TYW1: variants seen among roughly 807,000 people sequenced by gnomAD.
TYW1 encodes S-adenosyl-L-methionine-dependent tRNA 4-demethylwyosine synthase TYW1.
In TYW1, 46 loss-of-function variants were observed where a neutral mutation model predicts 96.2. The ratio of observed to expected loss-of-function variants is 0.48; its 90% confidence interval spans 0.38 to 0.61. TYW1 has a LOEUF of 0.61. Ranked by LOEUF, TYW1 falls within the 20% of genes least tolerant of loss-of-function variation. The pLI is 0.00. For missense variants in TYW1, 684 were observed against 909.6 expected, an observed-to-expected ratio of 0.75 and a Z score of 3.19; for synonymous variants, 274 against 323.0, an observed-to-expected ratio of 0.85 and a Z score of 1.63.
intron 14 of TYW1, among the ~76,000 whole-genome samples, chr7:67,191,780 A>T (rs1303167696): frequency 5.3e-5 from 8 of 151,528 alleles, no homozygotes; most frequent in Non-Finnish European, 1.2e-4. Flanking sequence ...GTCACCAAGA[A>T]CATTTTCTGC....
At position 67,049,940 on chromosome 7, in the gene TYW1, T is replaced by G; in HGVS notation, c.985-9T>G. ...ATTCTGGATTTCATTCTTTTTTATTTTAATGCAGAGAGAAAAGGAACAGCA... is the reference window on the plus strand; with the variant it reads ...ATTCTGGATTTCATTCTTTTTTATTGTAATGCAGAGAGAAAAGGAACAGCA... On this transcript the variant is annotated splice_polypyrimidine_tract_variant and intron_variant, in intron 7 of 15. Transcript: ENST00000359626. The G allele has an allele frequency of 6.2e-7, 1 of 1,613,638 alleles. No homozygotes were observed. Among genetic ancestry groups the G allele is most frequent in the Non-Finnish European group, 8.5e-7 (1 of 1,179,848 alleles).
At chr7:67,205,168 A>G (rs1164767524) in intron 15 of TYW1, among the ~76,000 whole-genome samples, 1 of 152,120 alleles carries the variant, frequency 6.6e-6, no homozygotes, top group African/African-American at 2.4e-5. Flanking sequence ...TGGGGATGGC[A>G]TGAGAGGGTG....
intron 13 of TYW1, among the ~76,000 whole-genome samples, chr7:67,161,328 C>T (rs2116219680): frequency 6.6e-6 from 1 of 152,274 alleles, no homozygotes; most frequent in Admixed American, 6.5e-5. Context: ...GGAAAAGTTG[C>T]CATCTTTATG....
intron 5 of TYW1, among the ~76,000 whole-genome samples, chr7:67,017,192 A>G (rs1794055496): frequency 2.6e-5 from 4 of 152,086 alleles, no homozygotes; most frequent in African/African-American, 7.2e-5. Context: ...CGTGTTGGCC[A>G]GGCTGGTCTT....
At chr7:67,235,906 A>AAAAG (rs1554398567) in intron 15 of TYW1, among the ~76,000 whole-genome samples, 2 of 134,470 alleles carry the variant, frequency 1.5e-5, no homozygotes, top group South Asian at 2.5e-4. Flanking sequence ...AAAAAAAAAA[A>AAAAG]AAAAGAAAAA....
intron 7 of TYW1, among the ~76,000 whole-genome samples, chr7:67,030,752 C>T (rs950835149): frequency 9.9e-5 from 15 of 152,094 alleles, no homozygotes; most frequent in Admixed American, 2.6e-4. Context: ...AGCCCTGGGA[C>T]ATCTTACTGA....
intron 7 of TYW1, among the ~76,000 whole-genome samples, chr7:67,027,123 C>T (rs1192860931): frequency 6.6e-6 from 1 of 151,702 alleles, no homozygotes; most frequent in Non-Finnish European, 1.5e-5. Context: ...TTGCTTGGAC[C>T]TGGGAGTTTG....
chr7:67,141,931 A>G (rs922908578), intron 13 of TYW1, among the ~76,000 whole-genome samples: 2 of 152,192 alleles, frequency 1.3e-5, no homozygotes, highest in African/African-American at 2.4e-5. Context: ...GCTACTCGGG[A>G]GGCTGAGGCA....
chr7:67,148,122 G>C (rs200955252), intron 13 of TYW1, among the ~76,000 whole-genome samples: 2 of 151,862 alleles, frequency 1.3e-5, no homozygotes, highest in Non-Finnish European at 2.9e-5. Context: ...TTTGTGGGGG[G>C]GCTTTGAGGG....
intron 6 of TYW1, among the ~76,000 whole-genome samples, chr7:67,020,127 A>G (rs566821612): frequency 1.2e-4 from 18 of 152,374 alleles, no homozygotes; most frequent in African/African-American, 4.3e-4. Context: ...TATAATCCCA[A>G]CACTTTGGGA....
intron 13 of TYW1, among the ~76,000 whole-genome samples, chr7:67,131,103 G>A (rs145768402): frequency 0.033 from 5,018 of 151,748 alleles, 243 homozygotes; most frequent in African/African-American, 0.11. Context: ...CAACCTGCTT[G>A]GTTTAGTAAT....
intron 13 of TYW1, among the ~76,000 whole-genome samples, chr7:67,134,029 C>G (rs1308344866): frequency 6.6e-6 from 1 of 151,956 alleles, no homozygotes. Flanking sequence ...GCAGCATCAA[C>G]TCCAGACTTG....
At chr7:67,011,814 A>G (rs1793808692) in intron 4 of TYW1, among the ~76,000 whole-genome samples, 1 of 151,244 alleles carries the variant, frequency 6.6e-6, no homozygotes, top group African/African-American at 2.4e-5. Context: ...CGGAGGTCGC[A>G]GTGAGCCAAG....
intron 9 of TYW1, among the ~76,000 whole-genome samples, chr7:67,062,587 G>GA (rs1795730282): frequency 9.8e-6 from 1 of 102,302 alleles, no homozygotes; most frequent in South Asian, 3.2e-4. Flanking sequence ...AAAAAGAAAA[G>GA]AAAACACAAA....
intron 13 of TYW1, among the ~76,000 whole-genome samples, chr7:67,153,951 G>A (rs1371471417): frequency 7.5e-6 from 1 of 133,792 alleles, no homozygotes; most frequent in Non-Finnish European, 1.5e-5. Context: ...TTTTTGAGAC[G>A]GAGTCTCGCT....
At chr7:67,118,042 C>T (rs1358931559) in intron 13 of TYW1, among the ~76,000 whole-genome samples, 2 of 152,132 alleles carry the variant, frequency 1.3e-5, no homozygotes, top group Non-Finnish European at 2.9e-5. Flanking sequence ...TCGCATAGGC[C>T]AAGCATGGTG....
chr7:67,149,209 A>G (rs1798712429), intron 13 of TYW1, among the ~76,000 whole-genome samples: 1 of 152,242 alleles, frequency 6.6e-6, no homozygotes. Context: ...TTTATGAAAA[A>G]GAGAATTTAC....
chr7:67,050,892 C>T (rs551194333), intron 8 of TYW1, among the ~76,000 whole-genome samples: 28 of 152,006 alleles, frequency 1.8e-4, no homozygotes, highest in African/African-American at 6.5e-4. Context: ...AGGTTTTACA[C>T]TATACCTCTT....
intron 15 of TYW1, among the ~76,000 whole-genome samples, chr7:67,221,688 A>G (rs148162754): frequency 1.3e-5 from 2 of 152,158 alleles, no homozygotes; most frequent in African/African-American, 4.8e-5. Flanking sequence ...TGGACATCGC[A>G]TTTAACATTC....
Sources: allele counts gnomAD v4.1 joint callset (sites outside exome capture counted in the v4.1 genomes callset), GRCh38; gene constraint gnomAD v4.1.1; transcripts MANE v1.5; gene names NCBI Gene and HGNC (gene_info 2026-07-23, HGNC 2026-07-21).